Variants in RAB32 observed in about 807,000 individuals in gnomAD.
RAB32 encodes the protein ras-related protein Rab-32.
A neutral mutation model predicts 17.5 loss-of-function variants in RAB32; 17 were observed. The observed-to-expected ratio is 0.97, with a 90% CI of 0.67 to 1.46. The LOEUF (loss-of-function observed/expected upper bound fraction) is 1.46. RAB32 is among the 40% of genes most tolerant of loss of function. The pLI is 0.00. For synonymous variants in RAB32, 115 were observed against 111.1 expected, an observed-to-expected ratio of 1.04 and a Z score of -0.22; for missense variants, 288 against 284.3, an observed-to-expected ratio of 1.01 and a Z score of -0.09.
At position 146,543,875 on chromosome 6, in the gene RAB32, G is replaced by C. The variant is rs748402738; in HGVS notation, c.4G>C (p.Ala2Pro). ...GCGCCCGACAGCCGCAGCGCTCATG[G>C]CGGGCGGAGGAGCCGGGGACCCCGG... MAGGGAGDPGLG... is the reference protein window; with the variant it reads MPGGGAGDPGLG... The change falls in exon 1 of 3, where the codon GCG (alanine) becomes CCG (proline). Residue 2 changes from alanine (A) to proline (P), a missense_variant. Transcript: ENST00000367495. 1 of 1,456,748 alleles carries C rather than the reference G, an allele frequency of 6.9e-7. No homozygotes were observed. The highest frequency in any genetic ancestry group is 1.4e-5 in the South Asian group (1 of 70,912). The allele number at this position is 1,456,748 out of a possible 1,614,324, so 90.2% of individuals were successfully genotyped here.
intron 2 of RAB32, among the ~76,000 whole-genome samples, chr6:146,553,759 G>A (rs981107282): frequency 2.6e-5 from 4 of 152,032 alleles, no homozygotes; most frequent in Admixed American, 6.6e-5. Flanking sequence ...GTGAATGGTA[G>A]GAATGTTTAC....
rs1779871079 is a variant in RAB32 at position 146,549,633 on chromosome 6, C to A, written c.420C>A (p.Leu140=). ...ATGGCAGCCCTATCCCTGCTGTCCT[C>A]TTGGCTAACAAATGTGACCAGAACA... ...LPNGSPIPAV[L]LANKCDQNKD... is the part of the protein sequence containing the mutation. The change falls in exon 2 of 3, where the codon CTC becomes CTA. Residue 140 remains leucine (L), a synonymous_variant. Transcript: ENST00000367495. 1 of 1,614,058 alleles carries A rather than the reference C, an allele frequency of 6.2e-7. No homozygotes were observed. Among genetic ancestry groups the A allele is most frequent in the South Asian group, 1.1e-5 (1 of 91,086 alleles).
chr6:146,550,176 G>A (rs1392739996), intron 2 of RAB32, among the ~76,000 whole-genome samples: 1 of 152,174 alleles, frequency 6.6e-6, no homozygotes, highest in Non-Finnish European at 1.5e-5. Context: ...TTCAGATGAT[G>A]TTTGAAGAGT....
chr6:146,552,418 G>A (rs1336142779), intron 2 of RAB32, among the ~76,000 whole-genome samples: 1 of 152,120 alleles, frequency 6.6e-6, no homozygotes, highest in African/African-American at 2.4e-5. Context: ...CCTGTAAATA[G>A]CACAGCTGTT....
At position 146,544,072 on chromosome 6, in the gene RAB32, C is replaced by T; in HGVS notation, c.201C>T (p.Leu67=). 1 of 1,613,830 alleles carries T rather than the reference C, an allele frequency of 6.2e-7. No homozygotes were observed. Among genetic ancestry groups the T allele is most frequent in the Non-Finnish European group, 8.5e-7 (1 of 1,179,944 alleles). Residue 67 remains leucine, a synonymous_variant, in exon 1 of 3, where the codon CTC becomes CTT. Transcript: ENST00000367495. The part of the protein sequence containing the change: ...TIGVDFALKV[L]NWDSRTLVRL... Reference sequence around the variant, plus strand: ...GGGTGGACTTCGCCCTCAAGGTCCTCAACTGGGACAGCAGGACTCTGGTGC... The same window carrying T: ...GGGTGGACTTCGCCCTCAAGGTCCTTAACTGGGACAGCAGGACTCTGGTGC...
At chr6:146,551,368 G>T (rs1216553833) in intron 2 of RAB32, among the ~76,000 whole-genome samples, 1 of 152,112 alleles carries the variant, frequency 6.6e-6, no homozygotes, top group Non-Finnish European at 1.5e-5. Flanking sequence ...AGGACCACAG[G>T]CATGTGCCAC....
In RAB32 at chr6:146,545,749, T is replaced by A. The variant is rs184711851; in HGVS notation, c.250+1628T>A. Among the ~76,000 whole-genome samples the A allele has an allele frequency of 1.7e-3, 263 of 152,328 alleles. 1 individual carries two copies. The highest frequency in any genetic ancestry group is 6.1e-3 in the African/African-American group (254 of 41,584). Reference sequence around the variant, plus strand: ...AGTTTTTTCGAAACACTTCCTGCCGTTGCACAGAACCCTAATGAGCAGTAT... The same window carrying A: ...AGTTTTTTCGAAACACTTCCTGCCGATGCACAGAACCCTAATGAGCAGTAT... On this transcript the variant is annotated intron_variant, in intron 1 of 2. Transcript: ENST00000367495.
chr6:146,544,466 G>T (rs941648259), intron 1 of RAB32, among the ~76,000 whole-genome samples: 3 of 151,992 alleles, frequency 2.0e-5, no homozygotes, highest in African/African-American at 7.3e-5. Flanking sequence ...GCTTTGGAGC[G>T]GGCCGGCGCC....
At chr6:146,544,180 T>C in intron 1 of RAB32, 59 bp downstream of exon 1, 3 of 1,517,952 alleles carry the variant, frequency 2.0e-6, no homozygotes, top group Non-Finnish European at 2.7e-6. Flanking sequence ...GGCTCCTCTC[T>C]GCTTCTTTTC....
rs187256877 is a variant in RAB32, at chr6:146,553,686, T to A, written c.529-770T>A. ...CTAGCACTGATACAACACTATTATGTAATTTCCTGATTTTGATAGTTGTAT... is the reference window on the plus strand; with the variant it reads ...CTAGCACTGATACAACACTATTATGAAATTTCCTGATTTTGATAGTTGTAT... On this transcript the variant is annotated intron_variant, in intron 2 of 2. Transcript: ENST00000367495. 2.6e-4 allele frequency among the ~76,000 whole-genome samples: 40 copies of A among 152,302 alleles called. 1 individual carries two copies. The highest frequency in any genetic ancestry group is 6.0e-4 in the African/African-American group (25 of 41,576).
At position 146,543,977 on chromosome 6, in the gene RAB32, G is replaced by A. The variant is rs921283023; in HGVS notation, c.106G>A (p.Val36Met). 3.7e-6 allele frequency: 6 copies of A among 1,613,622 alleles called. No individual in the cohort carries two copies. The highest frequency in any genetic ancestry group is 5.1e-6 in the Non-Finnish European group (6 of 1,179,870). ...FKVLVIGELG[V>M]GKTSIIKRYV... Reference sequence around the variant, plus strand: ...GGTGCTGGTGATCGGCGAGCTTGGCGTGGGCAAGACCAGCATCATCAAGCG... The same window carrying A: ...GGTGCTGGTGATCGGCGAGCTTGGCATGGGCAAGACCAGCATCATCAAGCG... Residue 36 changes from valine to methionine, a missense_variant, in exon 1 of 3, where the codon GTG becomes ATG. Coordinates refer to ENST00000367495, the MANE Select transcript of RAB32 (RefSeq NM_006834.5).
Position 146,554,510 on chromosome 6 carries a change from A to C in RAB32, c.583A>C (p.Asn195His). 1 of 1,613,882 alleles carries C rather than the reference A, an allele frequency of 6.2e-7. No individual in the cohort carries two copies. Among genetic ancestry groups the C allele is most frequent in the Middle Eastern group, 1.7e-4 (1 of 6,058 alleles). ...GTTCCTAGTGGAGAAGATTCTTGTA[A>C]ACCACCAAAGCTTTCCTAATGAAGA... ...ARFLVEKILVNHQSFPNEEND... is the reference protein window; with the variant it reads ...ARFLVEKILVHHQSFPNEEND... Residue 195 changes from asparagine to histidine, a missense_variant, in exon 3 of 3, where the codon AAC (asparagine) becomes CAC (histidine). Transcript: ENST00000367495.
intron 1 of RAB32, among the ~76,000 whole-genome samples, chr6:146,545,106 A>G (rs77568325): frequency 0.046 from 6,944 of 151,886 alleles, 223 homozygotes; most frequent in South Asian, 0.12. Flanking sequence ...ATATACATAC[A>G]TACATACAAA....
At chr6:146,550,013 C>T (rs993342298) in intron 2 of RAB32, among the ~76,000 whole-genome samples, 1 of 152,154 alleles carries the variant, frequency 6.6e-6, no homozygotes, top group Non-Finnish European at 1.5e-5. Flanking sequence ...GAGTTTTTAA[C>T]TGAGGTACTT....
intron 1 of RAB32, among the ~76,000 whole-genome samples, chr6:146,544,981 G>A (rs1260100768): frequency 1.3e-5 from 2 of 152,116 alleles, no homozygotes; most frequent in East Asian, 1.9e-4. Context: ...AGTGGCTCAC[G>A]CCTGTAATCC....
At chr6:146,549,061 A>G (rs1779861683) in intron 1 of RAB32, among the ~76,000 whole-genome samples, 1 of 152,178 alleles carries the variant, frequency 6.6e-6, no homozygotes, top group Non-Finnish European at 1.5e-5. Flanking sequence ...TACCCACTGC[A>G]CTTATCTCCT....
chr6:146,554,692 T>C lies in RAB32; in HGVS notation c.*87T>C, dbSNP rs948314322. 2.0e-5 allele frequency: 28 copies of C among 1,434,204 alleles called. No homozygotes were observed. The highest frequency in any genetic ancestry group is 2.4e-5 in the Non-Finnish European group (26 of 1,067,118). The allele number at this position is 1,434,204 out of a possible 1,614,324, so 88.8% of individuals were successfully genotyped here. On this transcript the variant is annotated 3_prime_UTR_variant, in exon 3 of 3. Transcript: ENST00000367495. Reference sequence around the variant, plus strand: ...ACAGATGTCATGTTAGCTGGGAGTCTTCCCACATGTGGCACTTCAAAAGGC... The same window carrying C: ...ACAGATGTCATGTTAGCTGGGAGTCCTCCCACATGTGGCACTTCAAAAGGC...
chr6:146,547,955 AAT>A (rs2114783270), intron 1 of RAB32, among the ~76,000 whole-genome samples: 1 of 152,278 alleles, frequency 6.6e-6, no homozygotes, highest in African/African-American at 2.4e-5. Context: ...CAATAATTAA[AAT>A]ATATAAAAAT....
chr6:146,548,892 T>C (rs912901327), intron 1 of RAB32, among the ~76,000 whole-genome samples: 2 of 152,246 alleles, frequency 1.3e-5, no homozygotes, highest in Non-Finnish European at 2.9e-5. Flanking sequence ...GTTGTGCCTT[T>C]TGTTCTGAAA....
Sources: gnomAD v4.1 joint callset for allele counts (sites outside exome capture counted in the v4.1 genomes callset) on GRCh38, gnomAD v4.1.1 for gene constraint, MANE v1.5 for transcripts, NCBI Gene and HGNC (gene_info 2026-07-23, HGNC 2026-07-21) for gene names.